Variants in PTPRM observed in about 807,000 individuals in gnomAD.
PTPRM encodes the protein protein tyrosine phosphatase receptor type M.
Under a neutral mutation model 186.7 loss-of-function variants are expected in PTPRM, and 47 were observed. The observed-to-expected ratio is 0.25, with a 90% CI of 0.20 to 0.32. PTPRM has a LOEUF of 0.32. Ranked by LOEUF, PTPRM falls within the 10% of genes least tolerant of loss-of-function variation. PTPRM has a pLI of 1.00. For synonymous variants in PTPRM, 668 were observed against 674.9 expected, an observed-to-expected ratio of 0.99 and a Z score of 0.16; for missense variants, 1,494 against 1,865.0, an observed-to-expected ratio of 0.80 and a Z score of 3.66.
At chr18:8,106,995 A>T (rs1439179868) in intron 11 of PTPRM, among the ~76,000 whole-genome samples, 1 of 152,236 alleles carries the variant, frequency 6.6e-6, no homozygotes, top group Admixed American at 6.5e-5. Context: ...TACAAACTAT[A>T]AAATATCATT....
At chr18:7,600,687 G>A (rs564064420) in intron 1 of PTPRM, among the ~76,000 whole-genome samples, 1 of 152,328 alleles carries the variant, frequency 6.6e-6, no homozygotes, top group East Asian at 1.9e-4. Flanking sequence ...CCCTTCCCCT[G>A]CTTCCTCACT....
chr18:8,307,087 A>G (rs555978506), intron 20 of PTPRM, among the ~76,000 whole-genome samples: 1 of 152,304 alleles, frequency 6.6e-6, no homozygotes, highest in Admixed American at 6.5e-5. Flanking sequence ...GAGGACGCGT[A>G]AGAATCTGCA....
intron 1 of PTPRM, among the ~76,000 whole-genome samples, chr18:7,589,065 C>A (rs145961011): frequency 5.8e-4 from 89 of 152,288 alleles, no homozygotes; most frequent in African/African-American, 2.1e-3. Flanking sequence ...CCAGGCTGGT[C>A]TTGAGCTCCT....
chr18:7,864,173 TTTG>T (rs1192160666), intron 2 of PTPRM, among the ~76,000 whole-genome samples: 1 of 152,230 alleles, frequency 6.6e-6, no homozygotes, highest in Non-Finnish European at 1.5e-5. Context: ...GATAGTTGAT[TTTG>T]CTGCGCAGAA....
chr18:7,567,701 AGCG>A lies in PTPRM; in HGVS notation c.-117_-115del. On this transcript the variant is annotated 5_prime_UTR_variant, in exon 1 of 33. Coordinates refer to ENST00000580170, the MANE Select transcript of PTPRM (RefSeq NM_001105244.2). The surrounding 1 kb of genome is among the most constrained non-coding windows in gnomAD (Gnocchi z 4.3). The stretch of plus-strand genomic sequence containing the variant: ...TGTTGGCACTTTGGGGGCTTGGCTT[AGCG>A]CTCTGCTGTTTACCCGTCTCTCCTC... 1 of 915,016 alleles carries A rather than the reference AGCG, an allele frequency of 1.1e-6. No individual in the cohort carries two copies. The allele number at this position is 915,016 out of a possible 1,614,324, so 56.7% of individuals were successfully genotyped here.
intron 31 of PTPRM, among the ~76,000 whole-genome samples, chr18:8,392,515 T>C (rs2095820570): frequency 6.6e-6 from 1 of 151,922 alleles, no homozygotes; most frequent in Non-Finnish European, 1.5e-5. Flanking sequence ...TAGTCCCAGC[T>C]ACTCGGGAGG....
intron 3 of PTPRM, among the ~76,000 whole-genome samples, chr18:7,892,346 G>A (rs559344801): frequency 9.9e-5 from 15 of 152,118 alleles, no homozygotes; most frequent in East Asian, 1.9e-4. Flanking sequence ...GGAATGATGC[G>A]GTTTATGAAC....
At chr18:8,075,806 A>G (rs1413587362) in intron 8 of PTPRM, among the ~76,000 whole-genome samples, 1 of 152,148 alleles carries the variant, frequency 6.6e-6, no homozygotes, top group Non-Finnish European at 1.5e-5. Flanking sequence ...TTAGTACAGT[A>G]GTTCATATAT....
intron 13 of PTPRM, among the ~76,000 whole-genome samples, chr18:8,131,829 AATAAC>A (rs2092517424): frequency 6.6e-6 from 1 of 152,230 alleles, no homozygotes; most frequent in African/African-American, 2.4e-5. Flanking sequence ...TAGAGGAATA[AATAAC>A]TGTCTCTGAG....
chr18:8,085,643 A>G (rs991526794), intron 9 of PTPRM, 28 bp from the exon 10 acceptor site: 17 of 1,547,546 alleles, frequency 1.1e-5, no homozygotes, highest in African/African-American at 8.2e-5. Context: ...TGCTCCAGAT[A>G]TTTTATCACT....
At chr18:7,987,768 A>G (rs549073169) in intron 7 of PTPRM, among the ~76,000 whole-genome samples, 20 of 152,292 alleles carry the variant, frequency 1.3e-4, no homozygotes, top group South Asian at 4.1e-4. Context: ...CCATTTTTTC[A>G]GAGTCAGCAT....
chr18:8,181,106 T>C (rs995940093), intron 14 of PTPRM, among the ~76,000 whole-genome samples: 3 of 152,198 alleles, frequency 2.0e-5, no homozygotes, highest in African/African-American at 7.2e-5. Flanking sequence ...TTTAGTTAAC[T>C]ACATGTCCGA....
At chr18:8,098,808 G>A (rs1221543079) in intron 11 of PTPRM, among the ~76,000 whole-genome samples, 1 of 151,436 alleles carries the variant, frequency 6.6e-6, no homozygotes, top group East Asian at 2.0e-4. Context: ...CACAATCACT[G>A]TCTTAGTTCA....
At chr18:7,611,094 A>T (rs149848378) in intron 1 of PTPRM, among the ~76,000 whole-genome samples, 83 of 152,304 alleles carry the variant, frequency 5.4e-4, no homozygotes, top group African/African-American at 1.9e-3. Context: ...TATATAAAAG[A>T]GCTTAGAAAA....
intron 1 of PTPRM, among the ~76,000 whole-genome samples, chr18:7,723,767 C>T (rs2040493289): frequency 6.6e-6 from 1 of 152,138 alleles, no homozygotes; most frequent in African/African-American, 2.4e-5. Flanking sequence ...ATTCTGAGAC[C>T]CTGTCCCCTG....
chr18:7,810,026 T>A (rs1486668472), intron 2 of PTPRM, among the ~76,000 whole-genome samples: 2 of 152,022 alleles, frequency 1.3e-5, no homozygotes, highest in Non-Finnish European at 2.9e-5. Flanking sequence ...ACTTGGTGAG[T>A]TTGGAATAAT....
At chr18:8,133,529 AG>A (rs2092565295) in intron 13 of PTPRM, among the ~76,000 whole-genome samples, 1 of 152,204 alleles carries the variant, frequency 6.6e-6, no homozygotes, top group Non-Finnish European at 1.5e-5. Context: ...GGAGTTCAGC[AG>A]GAGAGAGAAT....
chr18:7,852,247 GA>G (rs777507703), intron 2 of PTPRM, among the ~76,000 whole-genome samples: 20 of 152,244 alleles, frequency 1.3e-4, no homozygotes, highest in Non-Finnish European at 2.4e-4. Context: ...CTGCTTGCAA[GA>G]GACATAAATA....
At chr18:7,932,828 A>G (rs1335187420) in intron 5 of PTPRM, among the ~76,000 whole-genome samples, 1 of 152,184 alleles carries the variant, frequency 6.6e-6, no homozygotes, top group Non-Finnish European at 1.5e-5. Flanking sequence ...ATACAAATAG[A>G]AAAGGAAATC....
Sources: allele counts gnomAD v4.1 joint callset (sites outside exome capture counted in the v4.1 genomes callset), GRCh38; gene constraint gnomAD v4.1.1; non-coding constraint Gnocchi (gnomAD v3.1); transcripts MANE v1.5; gene names NCBI Gene and HGNC (gene_info 2026-07-23, HGNC 2026-07-21).